The following TCF4 variants were observed in gnomAD, a reference collection of about 807,000 sequenced individuals.
TCF4 encodes the protein SL3-3 enhancer factor 2.
A neutral mutation model predicts 82.1 loss-of-function variants in TCF4; 3 were observed. The ratio of observed to expected loss-of-function variants is 0.04; its 90% CI spans 0.02 to 0.09. The LOEUF (loss-of-function observed/expected upper bound fraction) is 0.09. TCF4 is among the 10% of genes least tolerant of loss of function. The probability of loss-of-function intolerance (pLI) is 1.00; values close to 1 mark genes in which losing one functional copy is unlikely to be tolerated. For synonymous variants in TCF4, 276 were observed against 309.6 expected (o/e 0.89, Z 1.14); for missense variants, 518 against 852.7 (o/e 0.61, Z 4.89).
upstream of TCF4, among the ~76,000 whole-genome samples, chr18:55,590,018 C>T (rs1342440789): frequency 6.6e-6 from 1 of 152,222 alleles, no homozygotes; most frequent in Admixed American, 6.5e-5. Context: ...GTTCCCGAGG[C>T]CGAGGTCGTT....
chr18:55,454,314 G>C (rs905934358), intron 5 of TCF4, among the ~76,000 whole-genome samples: 4 of 152,172 alleles, frequency 2.6e-5, no homozygotes, highest in African/African-American at 9.7e-5. Flanking sequence ...AGAACAAAAT[G>C]TGAATTTCTA....
chr18:55,493,341 C>A (rs2096595383), intron 3 of TCF4, among the ~76,000 whole-genome samples: 1 of 152,236 alleles, frequency 6.6e-6, no homozygotes, highest in South Asian at 2.1e-4. Flanking sequence ...CTGGTCAAAG[C>A]AATTTGGGAA....
intron 8 of TCF4, among the ~76,000 whole-genome samples, chr18:55,298,860 G>A (rs1458667780): frequency 6.6e-6 from 1 of 151,932 alleles, no homozygotes; most frequent in Non-Finnish European, 1.5e-5. Context: ...GAGAAAGTTG[G>A]AGCAAAGAAA....
rs756835904 is a variant in TCF4 at position 55,225,021 on chromosome 18, G to C, written c.*3014C>G. 23 of 152,040 alleles carry C rather than the reference G, an allele frequency of 1.5e-4. No individual in the cohort carries two copies. Among genetic ancestry groups the C allele is most frequent in the Non-Finnish European group, 2.9e-4 (20 of 67,984 alleles). 9.4% of individuals were successfully genotyped at this position (152,040 alleles called of 1,614,324 possible). ...AGTGCAGGATACCAATATCTTACCTGGGTTTGATAATTACAAAACAACAAC... is the reference window on the plus strand; with the variant it reads ...AGTGCAGGATACCAATATCTTACCTCGGTTTGATAATTACAAAACAACAAC... On this transcript the variant is annotated 3_prime_UTR_variant, in exon 20 of 20. Transcript: ENST00000354452.
At chr18:55,556,878 G>A (rs2097309190) in intron 3 of TCF4, among the ~76,000 whole-genome samples, 1 of 152,136 alleles carries the variant, frequency 6.6e-6, no homozygotes, top group South Asian at 2.1e-4. Flanking sequence ...TAGTCACATT[G>A]ACAGGTTAAT....
At chr18:55,321,510 G>T (rs778918888) in intron 8 of TCF4, 11 of 1,084,012 alleles carry the variant, frequency 1.0e-5, no homozygotes, top group African/African-American at 1.6e-5. Context: ...AAGTAGGCAA[G>T]AAGAAGATCT....
chr18:55,354,097 A>G (rs1425206853), intron 6 of TCF4, among the ~76,000 whole-genome samples: 3 of 152,182 alleles, frequency 2.0e-5, no homozygotes, highest in African/African-American at 7.2e-5. Flanking sequence ...CATTTTGCTT[A>G]ACTGTCCACA....
At chr18:55,281,823 A>C (rs1344523261) in intron 8 of TCF4, among the ~76,000 whole-genome samples, 1 of 151,972 alleles carries the variant, frequency 6.6e-6, no homozygotes, top group East Asian at 1.9e-4. Flanking sequence ...ACTATGAATT[A>C]TAATCAAGCT....
At chr18:55,544,530 TC>T (rs2097189516) in intron 3 of TCF4, among the ~76,000 whole-genome samples, 1 of 152,192 alleles carries the variant, frequency 6.6e-6, no homozygotes, top group Non-Finnish European at 1.5e-5. Context: ...CAAGATTCTA[TC>T]CTTTCTCTTT....
intron 3 of TCF4, among the ~76,000 whole-genome samples, chr18:55,559,831 A>G (rs1276786866): frequency 6.6e-6 from 1 of 152,140 alleles, no homozygotes; most frequent in Non-Finnish European, 1.5e-5. Flanking sequence ...TTCTGGTTGT[A>G]CTAGGAAAAA....
At chr18:55,369,405 G>C (rs1293033166) in intron 6 of TCF4, among the ~76,000 whole-genome samples, 1 of 152,198 alleles carries the variant, frequency 6.6e-6, no homozygotes, top group Non-Finnish European at 1.5e-5. Flanking sequence ...CAGATGGTCA[G>C]AGAAAGAACC....
intron 3 of TCF4, among the ~76,000 whole-genome samples, chr18:55,490,643 A>C (rs2096566405): frequency 6.6e-6 from 1 of 152,172 alleles, no homozygotes; most frequent in African/African-American, 2.4e-5. Flanking sequence ...ATAATCACAT[A>C]AAATATGACT....
At chr18:55,624,856 A>C (rs931509209) in intron 2 of TCF4, among the ~76,000 whole-genome samples, 10 of 152,148 alleles carry the variant, frequency 6.6e-5, no homozygotes, top group African/African-American at 2.4e-4. Flanking sequence ...TTTGGCATTT[A>C]TCTTTTTAAG....
chr18:55,320,983 G>A (rs911854380), intron 8 of TCF4: 1 of 152,528 alleles, frequency 6.6e-6, no homozygotes, highest in Non-Finnish European at 1.5e-5. Flanking sequence ...TCTGTTGGAA[G>A]GGGGGGAAAT....
chr18:55,587,146 T>C lies in TCF4; in HGVS notation c.-20-10A>G. 1 of 1,596,220 alleles carries C rather than the reference T, an allele frequency of 6.3e-7. No individual in the cohort carries two copies. Among genetic ancestry groups the C allele is most frequent in the Non-Finnish European group, 8.5e-7 (1 of 1,175,170 alleles). ...GCAAAATCACACAAACCTAGAAACATGGAAATAACCGCAATCAGAAAATCC... is the reference window on the plus strand; with the variant it reads ...GCAAAATCACACAAACCTAGAAACACGGAAATAACCGCAATCAGAAAATCC... On this transcript the variant is annotated splice_polypyrimidine_tract_variant and intron_variant, in intron 1 of 19. Coordinates refer to ENST00000354452, the MANE Select transcript of TCF4 (RefSeq NM_001083962.2).
chr18:55,597,522 C>A (rs775588344), intron 2 of TCF4, among the ~76,000 whole-genome samples: 16 of 151,968 alleles, frequency 1.1e-4, no homozygotes, highest in Non-Finnish European at 2.1e-4. Flanking sequence ...CACAAATTAG[C>A]TGGGTGTGGT....
In TCF4 at chr18:55,586,202, A is replaced by AGCG. The variant is rs2147869815; in HGVS notation, c.72+842_72+843insCGC. On this transcript the variant is annotated intron_variant, in intron 2 of 19. Coordinates refer to ENST00000354452, the MANE Select transcript of TCF4 (RefSeq NM_001083962.2). ...CAGCAGCAGCAGCAGCAGCAGCAGC[A>AGCG]GCAGCAGCAGCAGCAGCAGCAGCAG... 5.6e-6 allele frequency: 5 copies of AGCG among 891,624 alleles called. No homozygotes were observed. In the South Asian group the frequency reaches 8.2e-5, roughly 15 times the overall value. 55.2% of individuals were successfully genotyped at this position (891,624 alleles called of 1,614,324 possible).
chr18:55,489,210 CTG>C (rs1222748954), intron 3 of TCF4, among the ~76,000 whole-genome samples: 1 of 152,166 alleles, frequency 6.6e-6, no homozygotes, highest in Non-Finnish European at 1.5e-5. Flanking sequence ...ATCTGGAGCA[CTG>C]TTGAAAATAC....
intron 3 of TCF4, 102 bp from the exon 4 acceptor site, chr18:55,464,239 T>C: frequency 9.4e-7 from 1 of 1,060,714 alleles, no homozygotes; most frequent in Non-Finnish European, 1.5e-6. Context: ...CTGTTGCCTT[T>C]AATTAAGAAC....
Sources: allele counts gnomAD v4.1 joint callset (sites outside exome capture counted in the v4.1 genomes callset), GRCh38; gene constraint gnomAD v4.1.1; transcripts MANE v1.5; gene names NCBI Gene and HGNC (gene_info 2026-07-23, HGNC 2026-07-21).